ZFAND3: variants seen among roughly 807,000 people sequenced by gnomAD.
ZFAND3 encodes the protein zinc finger AN1-type containing 3, also known as AN1-type zinc finger protein 3.
In ZFAND3, 10 loss-of-function variants were observed where a neutral mutation model predicts 29.6. That is an observed-to-expected ratio of 0.34 (90% CI 0.21 to 0.57). ZFAND3 has a LOEUF of 0.57. ZFAND3 is among the 20% of genes least tolerant of loss of function. The pLI, the probability that ZFAND3 is intolerant of heterozygous loss-of-function variation, is 0.86. For synonymous variants in ZFAND3, 128 were observed against 112.6 expected (o/e 1.14, Z -0.87); for missense variants, 230 against 304.5 (o/e 0.76, Z 1.82).
At chr6:37,926,311 G>A (rs1335483248) in intron 1 of ZFAND3, among the ~76,000 whole-genome samples, 1 of 152,192 alleles carries the variant, frequency 6.6e-6, no homozygotes, top group African/African-American at 2.4e-5. Flanking sequence ...CTGGAGACTA[G>A]AAGTCCAAGA....
At chr6:37,934,828 G>T (rs1581774671) in intron 2 of ZFAND3, among the ~76,000 whole-genome samples, 2 of 101,176 alleles carry the variant, frequency 2.0e-5, no homozygotes, top group African/African-American at 7.7e-5. Context: ...AACAGAGTGA[G>T]ACTCTGTCTC....
At chr6:38,108,215 G>A (rs921466768) in intron 4 of ZFAND3, among the ~76,000 whole-genome samples, 4 of 152,158 alleles carry the variant, frequency 2.6e-5, no homozygotes, top group Admixed American at 2.6e-4. Flanking sequence ...TTTGATGTAT[G>A]TAGCTTATTT....
intron 3 of ZFAND3, among the ~76,000 whole-genome samples, chr6:38,080,305 T>A (rs7769249): frequency 1 from 150,628 of 150,896 alleles, 75,181 homozygotes; most frequent in Middle Eastern, 1. Context: ...TAAAGTATAA[T>A]ATATATATAT....
chr6:37,970,570 T>C (rs1266110133), intron 2 of ZFAND3, among the ~76,000 whole-genome samples: 2 of 152,052 alleles, frequency 1.3e-5, no homozygotes, highest in Non-Finnish European at 2.9e-5. Flanking sequence ...AAGATTGGAA[T>C]AGGATTGGAA....
chr6:37,994,097 A>C (rs1762808125), intron 2 of ZFAND3, among the ~76,000 whole-genome samples: 1 of 144,896 alleles, frequency 6.9e-6, no homozygotes, highest in Admixed American at 7.3e-5. Context: ...AGTTCAAAGA[A>C]CAAGTTCATG....
At chr6:37,890,698 T>A (rs1401867684) in intron 1 of ZFAND3, among the ~76,000 whole-genome samples, 1 of 152,214 alleles carries the variant, frequency 6.6e-6, no homozygotes, top group African/African-American at 2.4e-5. Flanking sequence ...TGTTGCTAAT[T>A]CACAAAACCA....
At chr6:37,871,979 A>G (rs1298460830) in intron 1 of ZFAND3, among the ~76,000 whole-genome samples, 2 of 152,228 alleles carry the variant, frequency 1.3e-5, no homozygotes, top group Admixed American at 6.5e-5. Context: ...AGTCTATCCC[A>G]TGCATGTATA....
chr6:37,979,719 G>C (rs941258179), intron 2 of ZFAND3, among the ~76,000 whole-genome samples: 1 of 152,044 alleles, frequency 6.6e-6, no homozygotes, highest in African/African-American at 2.4e-5. Flanking sequence ...TAGTTTTTTC[G>C]TATGCATGTG....
At chr6:38,026,372 A>G (rs1295444100) in intron 2 of ZFAND3, among the ~76,000 whole-genome samples, 1 of 150,258 alleles carries the variant, frequency 6.7e-6, no homozygotes, top group Non-Finnish European at 1.5e-5. Context: ...TTGACATTCT[A>G]CATTACATTA....
intron 2 of ZFAND3, among the ~76,000 whole-genome samples, chr6:38,052,570 C>T (rs1177479436): frequency 2.0e-5 from 3 of 152,092 alleles, no homozygotes. Flanking sequence ...CTGAGGCACA[C>T]TGTGAATAAG....
intron 5 of ZFAND3, among the ~76,000 whole-genome samples, chr6:38,150,730 G>T (rs1255402093): frequency 6.6e-6 from 1 of 152,158 alleles, no homozygotes; most frequent in Non-Finnish European, 1.5e-5. Flanking sequence ...TTTGCAAGGG[G>T]TGGCTGCCTG....
At chr6:38,051,308 A>G (rs762539312) in intron 2 of ZFAND3, among the ~76,000 whole-genome samples, 1 of 152,198 alleles carries the variant, frequency 6.6e-6, no homozygotes, top group Non-Finnish European at 1.5e-5. Flanking sequence ...AATTATAGAA[A>G]TAATCAGTGA....
intron 2 of ZFAND3, among the ~76,000 whole-genome samples, chr6:38,022,987 CTT>C (rs1454887387): frequency 2.6e-5 from 4 of 152,066 alleles, no homozygotes; most frequent in African/African-American, 9.7e-5. Flanking sequence ...GAGTGGTTAG[CTT>C]TAAGGACAAA....
At chr6:38,079,947 C>T (rs7744636) in intron 3 of ZFAND3, among the ~76,000 whole-genome samples, 2,167 of 151,834 alleles carry the variant, frequency 0.014, 44 homozygotes, top group African/African-American at 0.048. Context: ...ATGGTTGTTA[C>T]ATAGTGTGTA....
At chr6:38,045,126 G>A (rs562665659) in intron 2 of ZFAND3, among the ~76,000 whole-genome samples, 10 of 147,314 alleles carry the variant, frequency 6.8e-5, no homozygotes, top group African/African-American at 1.3e-4. Flanking sequence ...TCACTCTGTC[G>A]CCCAGACTGG....
At chr6:37,980,470 A>G (rs192723575) in intron 2 of ZFAND3, among the ~76,000 whole-genome samples, 1 of 152,092 alleles carries the variant, frequency 6.6e-6, no homozygotes, top group East Asian at 1.9e-4. Flanking sequence ...CCATCAACTC[A>G]TTTTCTGAAT....
intron 2 of ZFAND3, among the ~76,000 whole-genome samples, chr6:37,945,709 A>T (rs1761889342): frequency 6.6e-6 from 1 of 152,138 alleles, no homozygotes; most frequent in Non-Finnish European, 1.5e-5. Flanking sequence ...GTGGTAATTT[A>T]TTTTTGGACA....
intron 3 of ZFAND3, among the ~76,000 whole-genome samples, chr6:38,074,782 G>A (rs570280788): frequency 3.4e-4 from 52 of 152,314 alleles, no homozygotes; most frequent in African/African-American, 1.2e-3. Flanking sequence ...TCAAAGGACA[G>A]TATGACCCTC....
At chr6:37,927,564 C>T (rs1761512350) in intron 1 of ZFAND3, among the ~76,000 whole-genome samples, 1 of 152,202 alleles carries the variant, frequency 6.6e-6, no homozygotes. Context: ...GGAGAGGCGC[C>T]TCTAGTTCAA....
Sources: gnomAD v4.1 joint callset for allele counts (sites outside exome capture counted in the v4.1 genomes callset) on GRCh38, gnomAD v4.1.1 for gene constraint, MANE v1.5 for transcripts, NCBI Gene and HGNC (gene_info 2026-07-23, HGNC 2026-07-21) for gene names.